The following TET2 variants were observed in gnomAD, a reference collection of about 807,000 sequenced individuals.
TET2 encodes tet methylcytosine dioxygenase 2.
A neutral mutation model predicts 142.9 loss-of-function variants in TET2; 299 were observed. The ratio of observed to expected loss-of-function variants is 2.09; its 90% CI spans 1.90 to 2.30. The LOEUF (loss-of-function observed/expected upper bound fraction) is 2.30. TET2 is among the 30% of genes most tolerant of loss of function. TET2 has a pLI of 0.00. For synonymous variants in TET2, 819 were observed against 849.0 expected (o/e 0.96, Z 0.61); for missense variants, 2,418 against 2,378.0 (o/e 1.02, Z -0.35).
At position 105,242,874 on chromosome 4, in the gene TET2, AT is replaced by A. The variant is rs1304251118; in HGVS notation, c.3542del (p.Ile1181ThrfsTer45). 1 of 1,551,524 alleles carries A rather than the reference AT, an allele frequency of 6.4e-7. No individual in the cohort carries two copies. ...TAAAGCTATTAGGATTGAAAGAGTC[AT>A]CTATACTGGTAAAGAAGGCAAAAGT... is the stretch of plus-strand genomic sequence containing the variant. The part of the protein sequence containing the change: ...KGKAIRIERV[I>X]YTGKEGKSSQ... On this transcript the variant is annotated frameshift_variant, in exon 5 of 11. Transcript: ENST00000380013. LOFTEE classifies it high-confidence loss of function.
chr4:105,251,456 T>A (rs896382287), intron 6 of TET2, among the ~76,000 whole-genome samples: 3 of 152,218 alleles, frequency 2.0e-5, no homozygotes, highest in Non-Finnish European at 4.4e-5. Context: ...TGTTGAACTT[T>A]TCTCAAATGC....
intron 1 of TET2, among the ~76,000 whole-genome samples, chr4:105,148,731 T>C (rs1056749635): frequency 6.6e-6 from 1 of 152,214 alleles, no homozygotes; most frequent in Non-Finnish European, 1.5e-5. Flanking sequence ...ACAATAAATA[T>C]TGATTTTTTT....
intron 1 of TET2, among the ~76,000 whole-genome samples, chr4:105,165,454 G>A (rs961522396): frequency 2.0e-5 from 3 of 152,176 alleles, no homozygotes; most frequent in Admixed American, 2.0e-4. Flanking sequence ...TCCTTACATG[G>A]CAGTGTCATG....
chr4:105,242,135 T>G (rs1729338993), intron 4 of TET2: 1 of 1,160,482 alleles, frequency 8.6e-7, no homozygotes, highest in African/African-American at 1.6e-5. Context: ...TAGGATACAT[T>G]GGGGCAGCTA....
rs369370690 is a variant in TET2, at chr4:105,236,491, A to G, written c.2549A>G (p.His850Arg). ...LVSENKEQTT[H>R]PELFAGNKTQ... ...TCAGAGAATAAAGAACAGACTACACATCCTGAACTTTTTGCAGGAAACAAG... is the reference window on the plus strand; with the variant it reads ...TCAGAGAATAAAGAACAGACTACACGTCCTGAACTTTTTGCAGGAAACAAG... The change falls in exon 3 of 11, where the codon CAT becomes CGT. Residue 850 changes from histidine (H) to arginine (R), a missense_variant. Coordinates refer to ENST00000380013, the MANE Select transcript of TET2 (RefSeq NM_001127208.3). 8.1e-6 allele frequency: 13 copies of G among 1,614,054 alleles called. No individual in the cohort carries two copies. Among genetic ancestry groups the G allele is most frequent in the Non-Finnish European group, 1.1e-5 (13 of 1,180,024 alleles).
Position 105,235,570 on chromosome 4 carries a change from G to A in TET2, c.1628G>A (p.Gly543Asp), listed in dbSNP as rs992525506. The A allele has an allele frequency of 1.2e-6, 2 of 1,614,044 alleles. No individual in the cohort carries two copies. Among genetic ancestry groups the A allele is most frequent in the Non-Finnish European group, 1.7e-6 (2 of 1,180,028 alleles). Residue 543 changes from glycine (G) to aspartate (D), a missense_variant, in exon 3 of 11, where the codon GGT becomes GAT. Coordinates refer to ENST00000380013, the MANE Select transcript of TET2 (RefSeq NM_001127208.3). ...MRNKEQEILK[G>D]RDKEQTRDLV... ...AACAAAGAGCAAGAGATTCTGAAGGGTCGAGACAAGGAGCAAACACGAGAT... is the reference window on the plus strand; with the variant it reads ...AACAAAGAGCAAGAGATTCTGAAGGATCGAGACAAGGAGCAAACACGAGAT...
At chr4:105,220,974 T>C (rs957984886) in intron 2 of TET2, among the ~76,000 whole-genome samples, 1 of 152,164 alleles carries the variant, frequency 6.6e-6, no homozygotes, top group African/African-American at 2.4e-5. Flanking sequence ...TTTCAAGCAT[T>C]GGATAATATA....
Position 105,236,191 on chromosome 4 carries a change from TAA to T in TET2, c.2251_2252del (p.Lys751GlufsTer2). Reference sequence around the variant, plus strand: ...CAGCAACAGCAGCAAAAATTACAAATAAAGAATAAAGAGGAAATACTCCAGAC... The same window carrying T: ...CAGCAACAGCAGCAAAAATTACAAATAGAATAAAGAGGAAATACTCCAGAC... On this transcript the variant is annotated frameshift_variant, in exon 3 of 11. Coordinates refer to ENST00000380013, the MANE Select transcript of TET2 (RefSeq NM_001127208.3). LOFTEE classifies it high-confidence loss of function. 6.2e-7 allele frequency: 1 copy of T among 1,613,732 alleles called. No homozygotes were observed. The highest frequency in any genetic ancestry group is 8.5e-7 in the Non-Finnish European group (1 of 1,179,920).
intron 6 of TET2, among the ~76,000 whole-genome samples, chr4:105,254,296 A>G: frequency 6.6e-6 from 1 of 152,152 alleles, no homozygotes. Context: ...TTTCATAGAT[A>G]TAGGCCTATT....
intron 2 of TET2, among the ~76,000 whole-genome samples, chr4:105,191,038 G>C (rs1361449337): frequency 6.6e-6 from 1 of 152,258 alleles, no homozygotes. Flanking sequence ...GAGCAGCTAT[G>C]TGATTTTACA....
intron 2 of TET2, among the ~76,000 whole-genome samples, chr4:105,225,624 G>A (rs1728145056): frequency 6.6e-6 from 1 of 152,120 alleles, no homozygotes; most frequent in Non-Finnish European, 1.5e-5. Context: ...CCCCTCTCCT[G>A]TATTCCCATG....
intron 9 of TET2, among the ~76,000 whole-genome samples, chr4:105,270,125 A>C (rs1730880818): frequency 6.6e-6 from 1 of 152,196 alleles, no homozygotes; most frequent in Non-Finnish European, 1.5e-5. Flanking sequence ...GGACACAGCC[A>C]GACCATATCA....
At chr4:105,241,546 G>T in intron 4 of TET2, 117 bp downstream of exon 4, 1 of 1,457,582 alleles carries the variant, frequency 6.9e-7, no homozygotes, top group East Asian at 2.5e-5. Context: ...TTATTAGTAG[G>T]CTTAGCTATT....
At chr4:105,202,264 C>T (rs902415290) in intron 2 of TET2, 1 of 140,918 alleles carries the variant, frequency 7.1e-6, no homozygotes. Flanking sequence ...GGATAAATAA[C>T]ATATATTTAT....
rs2110227720 is a variant in TET2, at chr4:105,235,475, C to G, written c.1533C>G (p.His511Gln). Residue 511 changes from histidine to glutamine, a missense_variant, in exon 3 of 11, where the codon CAC becomes CAG. Transcript: ENST00000380013. ...AGAAAACAAGACCAATGTCAGAACA[C>G]CTCAAGCATAACCCACCAATTTTTG... Reference protein sequence around the residue: ...CSEKTRPMSEHLKHNPPIFGS... With the variant: ...CSEKTRPMSEQLKHNPPIFGS... 1 of 1,614,160 alleles carries G rather than the reference C, an allele frequency of 6.2e-7. No individual in the cohort carries two copies. Among genetic ancestry groups the G allele is most frequent in the East Asian group, 2.2e-5 (1 of 44,882 alleles).
At chr4:105,161,743 G>A (rs1307895928) in intron 1 of TET2, among the ~76,000 whole-genome samples, 1 of 152,226 alleles carries the variant, frequency 6.6e-6, no homozygotes, top group African/African-American at 2.4e-5. Context: ...TTCACTTGAA[G>A]GGGCAAGCAT....
chr4:105,194,455 T>C (rs752956892), intron 2 of TET2, among the ~76,000 whole-genome samples: 1 of 152,190 alleles, frequency 6.6e-6, no homozygotes, highest in Non-Finnish European at 1.5e-5. Context: ...ATAGCTTTTC[T>C]TATTGGCCCA....
At chr4:105,187,976 C>A (rs753514075) in intron 1 of TET2, among the ~76,000 whole-genome samples, 20 of 152,162 alleles carry the variant, frequency 1.3e-4, no homozygotes, top group Non-Finnish European at 2.8e-4. Flanking sequence ...CATGGAACTA[C>A]CATAAGACCC....
chr4:105,208,350 T>A (rs543174758), intron 2 of TET2, among the ~76,000 whole-genome samples: 66 of 152,238 alleles, frequency 4.3e-4, no homozygotes, highest in Admixed American at 1.9e-3. Flanking sequence ...GTAGCAAACA[T>A]TCATTTGTAA....
Sources: gnomAD v4.1 joint callset for allele counts (sites outside exome capture counted in the v4.1 genomes callset) on GRCh38, gnomAD v4.1.1 for gene constraint, MANE v1.5 for transcripts, NCBI Gene and HGNC (gene_info 2026-07-23, HGNC 2026-07-21) for gene names.